Variants in LSAMP observed in about 807,000 individuals in gnomAD.
LSAMP encodes the protein limbic system associated membrane protein, also known as limbic system-associated membrane protein.
Under a neutral mutation model 38.6 loss-of-function variants are expected in LSAMP, and 7 were observed. That is an observed-to-expected ratio of 0.18 (90% CI 0.10 to 0.34). The LOEUF (loss-of-function observed/expected upper bound fraction) is 0.34, where lower values mean the gene tolerates loss of function less well. LSAMP is among the 10% of genes least tolerant of loss of function. The pLI is 1.00. For missense variants in LSAMP, 313 were observed against 420.0 expected (o/e 0.75, Z 2.23); for synonymous variants, 154 against 166.8 (o/e 0.92, Z 0.59).
chr3:116,183,940 C>T (rs1309453772), intron 1 of LSAMP, among the ~76,000 whole-genome samples: 2 of 151,666 alleles, frequency 1.3e-5, no homozygotes, highest in African/African-American at 4.8e-5. Context: ...TGATGGAGGA[C>T]ATTAAATATC....
At chr3:116,053,575 G>T (rs1183439362) in intron 2 of LSAMP, among the ~76,000 whole-genome samples, 1 of 152,208 alleles carries the variant, frequency 6.6e-6, no homozygotes, top group Non-Finnish European at 1.5e-5. Flanking sequence ...AGAGGAAATT[G>T]TAGGCTAAGG....
At chr3:115,820,205 A>G (rs953274428) in intron 6 of LSAMP, among the ~76,000 whole-genome samples, 1 of 152,150 alleles carries the variant, frequency 6.6e-6, no homozygotes, top group African/African-American at 2.4e-5. Context: ...TAATTTTTGC[A>G]GAGATTTCCA....
intron 3 of LSAMP, among the ~76,000 whole-genome samples, chr3:115,952,134 T>C (rs113938991): frequency 0.17 from 25,442 of 152,100 alleles, 2,612 homozygotes; most frequent in Admixed American, 0.23. Context: ...TAGATTAGTA[T>C]AATCACAACA....
intron 1 of LSAMP, among the ~76,000 whole-genome samples, chr3:116,257,692 T>G (rs2046769557): frequency 6.6e-6 from 1 of 152,192 alleles, no homozygotes; most frequent in African/African-American, 2.4e-5. Flanking sequence ...TCTGGTTGCT[T>G]GAATTTAAGC....
At chr3:116,388,187 GA>G (rs890418215) in intron 1 of LSAMP, among the ~76,000 whole-genome samples, 6 of 151,942 alleles carry the variant, frequency 3.9e-5, no homozygotes, top group Admixed American at 2.0e-4. Context: ...GAAGCATGAA[GA>G]AAAAAAATGA....
At position 115,997,713 on chromosome 3, in the gene LSAMP, GATATATATATATATATAT is replaced by G. The variant is rs376845636; in HGVS notation, c.514+21784_514+21801del. ...AAGAGGGAAACTATTGACATTTTGG[GATATATATATATATATAT>G]ATATATATATATATATATATATACA... On this transcript the variant is annotated intron_variant, in intron 3 of 6. Coordinates refer to ENST00000490035, the MANE Select transcript of LSAMP (RefSeq NM_002338.5). Among the ~76,000 whole-genome samples, 67 of 91,652 alleles carry G rather than the reference GATATATATATATATATAT, an allele frequency of 7.3e-4. 1 individual carries two copies. The Middle Eastern group carries it at 0.076, about 104-fold the overall frequency. 60.1% of individuals were successfully genotyped at this position (91,652 alleles called of 152,430 possible). A position where few individuals can be genotyped will look rare whatever the true frequency, so the allele number is the denominator to read the frequency against.
chr3:116,296,681 C>T (rs561218660), intron 1 of LSAMP, among the ~76,000 whole-genome samples: 103 of 105,336 alleles, frequency 9.8e-4, no homozygotes, highest in Non-Finnish European at 1.4e-3. Flanking sequence ...GGCGACAGAG[C>T]GTGACTCTGT....
chr3:115,907,399 T>C (rs1323016813), intron 3 of LSAMP, among the ~76,000 whole-genome samples: 3 of 151,560 alleles, frequency 2.0e-5, no homozygotes, highest in African/African-American at 7.3e-5. Context: ...ATTCCACAAG[T>C]AAGGATGCAG....
chr3:116,316,537 C>T (rs1243922891), intron 1 of LSAMP, among the ~76,000 whole-genome samples: 2 of 152,088 alleles, frequency 1.3e-5, no homozygotes, highest in African/African-American at 4.8e-5. Flanking sequence ...CTTTGGGAGA[C>T]CGAGGCGGGT....
At chr3:116,443,803 ATTCT>A (rs747719590) in intron 1 of LSAMP, among the ~76,000 whole-genome samples, 5 of 152,210 alleles carry the variant, frequency 3.3e-5, no homozygotes, top group Non-Finnish European at 7.3e-5. Flanking sequence ...AAGGAGAGTG[ATTCT>A]TTCTTTTTGT....
chr3:116,100,442 T>C (rs1471305099), intron 1 of LSAMP, among the ~76,000 whole-genome samples: 1 of 152,156 alleles, frequency 6.6e-6, no homozygotes, highest in Non-Finnish European at 1.5e-5. Context: ...TTATTTTACA[T>C]TTTTTCTAAT....
At chr3:116,218,568 T>C (rs1236405810) in intron 1 of LSAMP, among the ~76,000 whole-genome samples, 1 of 152,234 alleles carries the variant, frequency 6.6e-6, no homozygotes, top group African/African-American at 2.4e-5. Flanking sequence ...CCAGCAATAA[T>C]GTACGGAGTT....
At position 116,291,979 on chromosome 3, in the gene LSAMP, C is replaced by G. The variant is rs755688773; in HGVS notation, c.155+152898G>C. Among the ~76,000 whole-genome samples, 77 of 152,142 alleles carry G rather than the reference C, an allele frequency of 5.1e-4. 1 individual carries two copies. The highest frequency in any genetic ancestry group is 1.5e-3 in the Admixed American group (23 of 15,270). On this transcript the variant is annotated intron_variant, in intron 1 of 6. Transcript: ENST00000490035. ...TTTCTTATTCTCTTCTTCATTACTA[C>G]AAATTTCCCAAGCTTTAAGATCACC...
intron 1 of LSAMP, among the ~76,000 whole-genome samples, chr3:116,122,441 G>A (rs989572887): frequency 6.6e-6 from 1 of 152,096 alleles, no homozygotes; most frequent in Non-Finnish European, 1.5e-5. Flanking sequence ...CTTATCAAAA[G>A]GTCTTTCCTG....
chr3:116,193,736 C>A (rs1452359974), intron 1 of LSAMP, among the ~76,000 whole-genome samples: 1 of 152,108 alleles, frequency 6.6e-6, no homozygotes, highest in Non-Finnish European at 1.5e-5. Flanking sequence ...GAAAATACAT[C>A]TAGTATTTCC....
intron 1 of LSAMP, among the ~76,000 whole-genome samples, chr3:116,160,341 G>A (rs1251920793): frequency 6.8e-6 from 1 of 147,360 alleles, no homozygotes; most frequent in Non-Finnish European, 1.5e-5. Context: ...GGAGGATGCA[G>A]TGAGCCGAGA....
chr3:116,140,379 C>T (rs1461102326), intron 1 of LSAMP, among the ~76,000 whole-genome samples: 1 of 151,866 alleles, frequency 6.6e-6, no homozygotes, highest in Non-Finnish European at 1.5e-5. Flanking sequence ...TGGACAATCA[C>T]ATGATTGCTT....
intron 1 of LSAMP, among the ~76,000 whole-genome samples, chr3:116,329,320 T>G (rs1248271570): frequency 6.6e-6 from 1 of 152,152 alleles, no homozygotes; most frequent in East Asian, 1.9e-4. Flanking sequence ...GAAGTTCACA[T>G]GCAGTGTCTT....
intron 1 of LSAMP, among the ~76,000 whole-genome samples, chr3:116,152,915 T>C (rs1254212617): frequency 2.0e-5 from 3 of 152,080 alleles, no homozygotes; most frequent in Non-Finnish European, 4.4e-5. Flanking sequence ...GTGAAGAGCA[T>C]AAACAATGTC....
Sources: gnomAD v4.1 joint callset for allele counts (sites outside exome capture counted in the v4.1 genomes callset) on GRCh38, gnomAD v4.1.1 for gene constraint, MANE v1.5 for transcripts, NCBI Gene and HGNC (gene_info 2026-07-23, HGNC 2026-07-21) for gene names.